The following STAB2 variants were observed in gnomAD, a reference collection of about 807,000 sequenced individuals.
STAB2 encodes stabilin-2.
STAB2 carries 288 observed loss-of-function variants against 338.1 expected under a neutral mutation model. That is an observed-to-expected ratio of 0.85 (90% confidence interval 0.77 to 0.94). STAB2 has a LOEUF of 0.94. Among genes scored for constraint, STAB2 ranks in the 40% least tolerant of loss-of-function variants. The pLI is 0.00. For synonymous variants in STAB2, 1,202 were observed against 1,193.3 expected, an observed-to-expected ratio of 1.01 and a Z score of -0.15; for missense variants, 3,141 against 3,210.1, an observed-to-expected ratio of 0.98 and a Z score of 0.52.
At chr12:103,726,056 C>A in intron 45 of STAB2, 60 bp from the exon 46 acceptor site, 4 of 1,589,378 alleles carry the variant, frequency 2.5e-6, no homozygotes, top group Non-Finnish European at 3.5e-6. Context: ...CCCATGACAA[C>A]CCTGTATTGT....
In STAB2 at chr12:103,746,233, C is replaced by T. The variant is rs113143201; in HGVS notation, c.6137-364C>T. 1,453 of 189,492 alleles carry T rather than the reference C, an allele frequency of 7.7e-3. 21 individuals carry two copies. The highest frequency in any genetic ancestry group is 0.032 in the African/African-American group (1,376 of 42,354). 11.7% of individuals were successfully genotyped at this position (189,492 alleles called of 1,614,324 possible). On this transcript the variant is annotated intron_variant, in intron 57 of 68. Transcript: ENST00000388887. ...GCCCTCAGAAGGCCATGGAATTTCT[C>T]CTCCAATTTAACCATATCCATCGGG...
At chr12:103,712,738 G>A (rs1303830220) in intron 41 of STAB2, among the ~76,000 whole-genome samples, 1 of 152,172 alleles carries the variant, frequency 6.6e-6, no homozygotes, top group Non-Finnish European at 1.5e-5. Context: ...TATACATTAT[G>A]ACAGCATTAC....
chr12:103,695,516 C>T (rs1878318890), intron 31 of STAB2, 34 bp from the exon 32 acceptor site: 1 of 1,609,790 alleles, frequency 6.2e-7, no homozygotes, highest in Non-Finnish European at 8.5e-7. Flanking sequence ...CCTACCAAAA[C>T]ATGCTAACAG....
intron 45 of STAB2, among the ~76,000 whole-genome samples, chr12:103,725,657 T>A (rs1368068214): frequency 2.0e-5 from 3 of 152,112 alleles, no homozygotes; most frequent in African/African-American, 7.2e-5. Flanking sequence ...TGTATGCACG[T>A]GTGTGTGCAT....
chr12:103,666,200 C>T, intron 18 of STAB2, 91 bp from the exon 19 acceptor site: 4 of 1,292,154 alleles, frequency 3.1e-6, no homozygotes, highest in Non-Finnish European at 4.5e-6. Context: ...GTTTCCTTCA[C>T]AGGGAGGGAA....
intron 26 of STAB2, 47 bp downstream of exon 26, chr12:103,683,347 A>G (rs769208762): frequency 2.0e-5 from 29 of 1,429,760 alleles, no homozygotes; most frequent in Non-Finnish European, 2.3e-5. Flanking sequence ...AAAAAAAAAA[A>G]CAATGCTTGA....
rs1159052668 is a variant in STAB2, at chr12:103,712,445, C to G, written c.4411+2C>G. On this transcript the variant is annotated splice_donor_variant, in intron 41 of 68. Transcript: ENST00000388887. LOFTEE classifies it high-confidence loss of function. ...AAGGAAACGGGACCATCTGCACAGG[C>G]AAGCGAAGGAAGGAATTTGCTGGGG... 1.2e-6 allele frequency: 2 copies of G among 1,612,336 alleles called. No homozygotes were observed. The highest frequency in any genetic ancestry group is 1.7e-6 in the Non-Finnish European group (2 of 1,178,588).
At chr12:103,757,028 TA>T (rs1476553656) in intron 63 of STAB2, among the ~76,000 whole-genome samples, 1 of 143,508 alleles carries the variant, frequency 7.0e-6, no homozygotes, top group Non-Finnish European at 1.5e-5. Flanking sequence ...TATATATATA[TA>T]TAAAATATAT....
At chr12:103,666,963 A>G (rs3752877) in intron 19 of STAB2, among the ~76,000 whole-genome samples, 4,128 of 152,340 alleles carry the variant, frequency 0.027, 101 homozygotes, top group East Asian at 0.1. Context: ...CCATCTAAAA[A>G]GGAAAACAGT....
chr12:103,759,599 T>C (rs896304273), intron 65 of STAB2, among the ~76,000 whole-genome samples: 3 of 152,204 alleles, frequency 2.0e-5, no homozygotes, highest in Admixed American at 1.3e-4. Context: ...GACCCCAGTA[T>C]GAATCCCAGT....
In STAB2 at chr12:103,637,205, C is replaced by A. The variant is rs1365686176; in HGVS notation, c.678C>A (p.Pro226=). The A allele has an allele frequency of 6.2e-7, 1 of 1,612,006 alleles. No individual in the cohort carries two copies. The highest frequency in any genetic ancestry group is 1.1e-5 in the South Asian group (1 of 90,650). ...ACAAACTGGAATGCAAATGCCTTCC[C>A]AATTACCGAGGCGATGGCAAATACT... ...DENKLECKCL[P]NYRGDGKYCD... is the part of the protein sequence containing the mutation. Residue 226 remains proline (P), a synonymous_variant, in exon 7 of 69, where the codon CCC becomes CCA. Coordinates refer to ENST00000388887, the MANE Select transcript of STAB2 (RefSeq NM_017564.10).
At position 103,692,822 on chromosome 12, in the gene STAB2, T is replaced by C. The variant is rs778176021; in HGVS notation, c.3308T>C (p.Ile1103Thr). 11 of 1,613,346 alleles carry C rather than the reference T, an allele frequency of 6.8e-6. No individual in the cohort carries two copies. Among genetic ancestry groups the C allele is most frequent in the East Asian group, 2.2e-5 (1 of 44,860 alleles). Reference protein sequence around the residue: ...HLAKVDGNITIEGASIVDGDN... With the variant: ...HLAKVDGNITTEGASIVDGDN... ...GGTTTGCATTTACAGAATATCACAA[T>C]TGAAGGGGCCTCCATTGTCGATGGG... Residue 1103 changes from isoleucine to threonine, a missense_variant, in exon 31 of 69, where the codon ATT becomes ACT. By Grantham distance (89) the Ile-to-Thr change is moderately conservative. Transcript: ENST00000388887.
intron 44 of STAB2, among the ~76,000 whole-genome samples, chr12:103,718,623 G>C (rs1880519963): frequency 6.6e-6 from 1 of 152,222 alleles, no homozygotes; most frequent in Admixed American, 6.5e-5. Context: ...ACTAGGACCA[G>C]CGGATGGACA....
At position 103,695,941 on chromosome 12, in the gene STAB2, T is replaced by A. The variant is rs1878366774; in HGVS notation, c.3582+97T>A. ...AGTTGTGTGCCATTTCACTCCTTCA[T>A]CCTTGTCCATAGCCACATACTTGAC... On this transcript the variant is annotated intron_variant, in intron 33 of 68. Transcript: ENST00000388887. The A allele has an allele frequency of 1.1e-5, 13 of 1,154,424 alleles. No individual in the cohort carries two copies. In the Admixed American group the frequency reaches 2.4e-4, roughly 21 times the overall value. 71.5% of individuals were successfully genotyped at this position (1,154,424 alleles called of 1,614,324 possible). A position where few individuals can be genotyped will look rare whatever the true frequency, so the allele number is the denominator to read the frequency against.
At chr12:103,682,796 A>C (rs909189118) in intron 25 of STAB2, among the ~76,000 whole-genome samples, 9 of 151,968 alleles carry the variant, frequency 5.9e-5, no homozygotes, top group Admixed American at 3.3e-4. Context: ...AAAAATACAA[A>C]AATTAGCCAG....
rs34124272 is a variant in STAB2, at chr12:103,702,294, A to ATTT, written c.3715-841_3715-839dup. ...ACCATTTTTTAAAAAATTATCAGTTATTTTTTTTTTTTTTTGAGACGGAGT... is the reference window on the plus strand; with the variant it reads ...ACCATTTTTTAAAAAATTATCAGTTATTTTTTTTTTTTTTTTTTGAGACGGAGT... On this transcript the variant is annotated intron_variant, in intron 34 of 68. Coordinates refer to ENST00000388887, the MANE Select transcript of STAB2 (RefSeq NM_017564.10). Among the ~76,000 whole-genome samples, 50 of 143,566 alleles carry ATTT rather than the reference A, an allele frequency of 3.5e-4. 2 individuals carry two copies. Among genetic ancestry groups the ATTT allele is most frequent in the African/African-American group, 1.0e-3 (40 of 39,036 alleles). 94.2% of individuals were successfully genotyped at this position (143,566 alleles called of 152,430 possible).
chr12:103,681,421 G>C (rs187298431), intron 25 of STAB2, among the ~76,000 whole-genome samples: 521 of 152,236 alleles, frequency 3.4e-3, no homozygotes, highest in Admixed American at 6.2e-3. Flanking sequence ...GGAGGTCTGA[G>C]ATCAAGGTGT....
intron 43 of STAB2, 130 bp downstream of exon 43, chr12:103,716,018 G>A: frequency 9.9e-7 from 1 of 1,006,810 alleles, no homozygotes; most frequent in Non-Finnish European, 1.4e-6. Flanking sequence ...ATACTTTAGG[G>A]GAAATTCTGA....
chr12:103,766,440 C>A lies in STAB2; in HGVS notation c.*104C>A. 7.5e-7 allele frequency: 1 copy of A among 1,332,284 alleles called. No individual in the cohort carries two copies. Among genetic ancestry groups the A allele is most frequent in the Non-Finnish European group, 1.0e-6 (1 of 968,190 alleles). 82.5% of individuals were successfully genotyped at this position (1,332,284 alleles called of 1,614,324 possible). A position where few individuals can be genotyped will look rare whatever the true frequency, so the allele number is the denominator to read the frequency against. On this transcript the variant is annotated 3_prime_UTR_variant, in exon 69 of 69. Coordinates refer to ENST00000388887, the MANE Select transcript of STAB2 (RefSeq NM_017564.10). The stretch of plus-strand genomic sequence containing the variant: ...TTAGGAACGTAAAGTCCTTTAAGCA[C>A]TCAGAAGCCATACCTCATCTCTCTG...
Sources: allele counts gnomAD v4.1 joint callset (sites outside exome capture counted in the v4.1 genomes callset), GRCh38; gene constraint gnomAD v4.1.1; transcripts MANE v1.5; gene names NCBI Gene and HGNC (gene_info 2026-07-23, HGNC 2026-07-21).